RMST: variants seen among roughly 807,000 people sequenced by gnomAD.
RMST encodes the protein rhabdomyosarcoma 2 associated transcript.
At position 97,513,138 on chromosome 12, in the gene RMST, A is replaced by G. The variant is rs562085258; in HGVS notation, n.1340+17082A>G. 2.2e-3 allele frequency among the ~76,000 whole-genome samples: 336 copies of G among 152,280 alleles called. 1 individual carries two copies. The highest frequency in any genetic ancestry group is 7.7e-3 in the African/African-American group (319 of 41,580). The stretch of plus-strand genomic sequence containing the variant: ...GCCTCTCCCTCCACACCTCCCTGCA[A>G]GCTGAGGGGGCCGGCTCTGGCCTTG... On this transcript the variant is annotated intron_variant and non_coding_transcript_variant, in intron 10 of 13. Transcript: ENST00000640149.
At chr12:97,547,718 T>G (rs974534308) in intron 11 of RMST, among the ~76,000 whole-genome samples, 5 of 152,138 alleles carry the variant, frequency 3.3e-5, no homozygotes, top group Non-Finnish European at 7.4e-5. Context: ...TTCAGGTGCT[T>G]TGCTCAATTT....
chr12:97,512,319 C>G (rs986939387), intron 10 of RMST, among the ~76,000 whole-genome samples: 2 of 152,132 alleles, frequency 1.3e-5, no homozygotes, highest in African/African-American at 4.8e-5. Context: ...TGAGCAGCAG[C>G]AAGATTTATT....
intron 5 of RMST, among the ~76,000 whole-genome samples, chr12:97,480,062 TTTTTCTTTTC>T (rs946047049): frequency 1.3e-4 from 19 of 151,438 alleles, no homozygotes; most frequent in South Asian, 4.2e-4. Flanking sequence ...GAACTGCTAA[TTTTTCTTTTC>T]TTTTCTTTTC....
intron 5 of RMST, among the ~76,000 whole-genome samples, chr12:97,483,938 T>C (rs1458193063): frequency 6.6e-6 from 1 of 152,218 alleles, no homozygotes; most frequent in Non-Finnish European, 1.5e-5. Flanking sequence ...TTTATTACTG[T>C]ACTGCCCTTT....
intron 11 of RMST, among the ~76,000 whole-genome samples, chr12:97,559,702 A>G (rs759130942): frequency 1.3e-5 from 2 of 152,178 alleles, no homozygotes; most frequent in Non-Finnish European, 2.9e-5. Flanking sequence ...CAGAAGCTCA[A>G]ATTGAATATG....
intron 11 of RMST, chr12:97,533,133 A>G (rs1161801974): frequency 1.3e-5 from 2 of 151,784 alleles, no homozygotes; most frequent in Non-Finnish European, 2.9e-5. Context: ...AGCATATAGG[A>G]AGAGTCCCAA....
At chr12:97,471,153 C>A (rs1873861864) in intron 5 of RMST, among the ~76,000 whole-genome samples, 2 of 152,076 alleles carry the variant, frequency 1.3e-5, no homozygotes, top group Non-Finnish European at 2.9e-5. Context: ...CTACATCTGA[C>A]CTCTGCTGTA....
At chr12:97,525,663 G>C (rs917857282) in intron 10 of RMST, among the ~76,000 whole-genome samples, 1 of 152,080 alleles carries the variant, frequency 6.6e-6, no homozygotes, top group African/African-American at 2.4e-5. Flanking sequence ...ACCTCATAAA[G>C]AGTTATGAAA....
At chr12:97,491,697 A>G (rs900905806) in intron 5 of RMST, 3 of 266,476 alleles carry the variant, frequency 1.1e-5, no homozygotes, top group East Asian at 7.7e-5. Flanking sequence ...TTCGATACCC[A>G]TATGCATCAT....
chr12:97,540,941 GATAGATATAGAT>G (rs11269215), intron 11 of RMST, among the ~76,000 whole-genome samples: 27,738 of 145,492 alleles, frequency 0.19, 4,178 homozygotes, highest in African/African-American at 0.41. Context: ...TAGAGAGATA[GATAGATATAGAT>G]ATAGATATAG....
intron 5 of RMST, among the ~76,000 whole-genome samples, chr12:97,472,712 T>C (rs1460504267): frequency 2.0e-5 from 3 of 152,152 alleles, no homozygotes; most frequent in African/African-American, 7.2e-5. Flanking sequence ...AAGAAAATAT[T>C]TCAAAGAGTT....
In RMST at chr12:97,478,044, TG is replaced by T. The variant is rs1445790911; in HGVS notation, n.644+12318del. Among the ~76,000 whole-genome samples the T allele has an allele frequency of 2.0e-5, 3 of 152,304 alleles. No homozygotes were observed. The East Asian group carries it at 5.8e-4, about 29-fold the overall frequency. On this transcript the variant is annotated intron_variant and non_coding_transcript_variant, in intron 5 of 13. Transcript: ENST00000640149. ...AAATGAATTATTTGTCTCCAGAAATTGTCTTTCTGTCTTTGCTTTTGGAGAC... is the reference window on the plus strand; with the variant it reads ...AAATGAATTATTTGTCTCCAGAAATTTCTTTCTGTCTTTGCTTTTGGAGAC...
chr12:97,522,822 G>A (rs1193729044), intron 10 of RMST, among the ~76,000 whole-genome samples: 2 of 152,114 alleles, frequency 1.3e-5, no homozygotes, highest in Non-Finnish European at 2.9e-5. Context: ...AAAAAAGCCT[G>A]AAAAAACAAA....
At chr12:97,463,005 C>T in intron 3 of RMST, 1 of 149,628 alleles carries the variant, frequency 6.7e-6, no homozygotes, top group Non-Finnish European at 1.5e-5. Flanking sequence ...GGTTCTTAGT[C>T]TCAAGTCAGC....
chr12:97,495,600 A>G (rs1877323916), intron 9 of RMST, among the ~76,000 whole-genome samples: 1 of 152,108 alleles, frequency 6.6e-6, no homozygotes, highest in Admixed American at 6.6e-5. Context: ...CCCTCATAAT[A>G]TATAAAATAT....
intron 5 of RMST, among the ~76,000 whole-genome samples, chr12:97,492,241 T>A (rs1270093313): frequency 6.6e-6 from 1 of 152,220 alleles, no homozygotes; most frequent in Non-Finnish European, 1.5e-5. Context: ...AGGGAGGTTG[T>A]TCGTGCAGGT....
intron 11 of RMST, among the ~76,000 whole-genome samples, chr12:97,549,767 T>C (rs551772237): frequency 2.6e-4 from 40 of 152,316 alleles, no homozygotes; most frequent in Non-Finnish European, 5.1e-4. Context: ...CAGCAGAGTC[T>C]GAGATACTGA....
chr12:97,529,887 G>T (rs530220062), intron 10 of RMST, among the ~76,000 whole-genome samples: 519 of 152,138 alleles, frequency 3.4e-3, no homozygotes, highest in Non-Finnish European at 5.7e-3. Context: ...AAATGTAATT[G>T]TATCTTCCCC....
exon 14 of RMST, chr12:97,564,230 G>A (rs1052789999): frequency 1.7e-5 from 3 of 177,512 alleles, no homozygotes; most frequent in African/African-American, 7.1e-5. Context: ...TTCGCCACCT[G>A]TTGAGGTCTT....
Sources: gnomAD v4.1 joint callset for allele counts (sites outside exome capture counted in the v4.1 genomes callset) on GRCh38, gnomAD v4.1.1 for gene constraint, MANE v1.5 for transcripts, NCBI Gene and HGNC (gene_info 2026-07-23, HGNC 2026-07-21) for gene names.